Variants in LYN observed in about 807,000 individuals in gnomAD.
The protein encoded by LYN is tyrosine-protein kinase Lyn.
In LYN, 12 loss-of-function variants were observed where a neutral mutation model predicts 65.0. The ratio of observed to expected loss-of-function variants is 0.18; its 90% CI spans 0.12 to 0.30. The LOEUF is 0.30. Ranked by LOEUF, LYN falls within the 10% of genes least tolerant of loss-of-function variation. The pLI, the probability that LYN is intolerant of heterozygous loss-of-function variation, is 1.00. For missense variants in LYN, 380 were observed against 623.2 expected (o/e 0.61, Z 4.16); for synonymous variants, 222 against 221.2 (o/e 1.00, Z -0.03).
chr8:55,990,306 A>AGAG (rs889554197), intron 10 of LYN, among the ~76,000 whole-genome samples: 3 of 151,650 alleles, frequency 2.0e-5, no homozygotes, highest in Non-Finnish European at 4.4e-5. Flanking sequence ...CTTTGCCTGA[A>AGAG]GAGTTGTAGT....
intron 1 of LYN, among the ~76,000 whole-genome samples, chr8:55,925,050 C>T (rs776951765): frequency 2.0e-5 from 3 of 152,082 alleles, no homozygotes; most frequent in Non-Finnish European, 2.9e-5. Context: ...CCATGTTGGC[C>T]AAACTGGGGT....
rs114267736 is a variant in LYN, at chr8:55,885,472, C to T, written c.-6+5369C>T. Among the ~76,000 whole-genome samples, 1,518 of 152,270 alleles carry T rather than the reference C, an allele frequency of 1.0e-2. 22 individuals are homozygous for T. The highest frequency in any genetic ancestry group is 0.034 in the African/African-American group (1,393 of 41,532). ...ACTGGTTGGAAGCTTCTTTCCAGTC[C>T]CCGCTTTCCTCCCTCCATTGGTAAA... On this transcript the variant is annotated intron_variant, in intron 1 of 12. Transcript: ENST00000519728.
chr8:55,980,758 C>A (rs1807894935), intron 10 of LYN, among the ~76,000 whole-genome samples: 1 of 152,134 alleles, frequency 6.6e-6, no homozygotes, highest in Non-Finnish European at 1.5e-5. Context: ...AAAATTTTTG[C>A]CTTTTTAAAA....
chr8:55,881,110 AG>A lies in LYN; in HGVS notation c.-6+1008del, dbSNP rs777121745. 2.0e-5 allele frequency among the ~76,000 whole-genome samples: 3 copies of A among 152,304 alleles called. No homozygotes were observed. In the East Asian group the frequency reaches 5.8e-4, roughly 29 times the overall value. ...CTCAGGGGCTGTTTAGTACACACAA[AG>A]CCCCTAGTACGTACCAAGCATTTCA... On this transcript the variant is annotated intron_variant, in intron 1 of 12. Coordinates refer to ENST00000519728, the MANE Select transcript of LYN (RefSeq NM_002350.4).
intron 1 of LYN, among the ~76,000 whole-genome samples, chr8:55,909,053 C>A (rs1287361494): frequency 9.5e-6 from 1 of 105,730 alleles, no homozygotes; most frequent in African/African-American, 3.8e-5. Context: ...ACACACACAC[C>A]CCACATTTTC....
chr8:55,994,907 C>G (rs1176175307), intron 10 of LYN, among the ~76,000 whole-genome samples: 1 of 152,152 alleles, frequency 6.6e-6, no homozygotes, highest in Non-Finnish European at 1.5e-5. Context: ...TTGAGCCAGG[C>G]ATCGTGGTTC....
chr8:56,007,158 T>C (rs537949842), intron 12 of LYN, among the ~76,000 whole-genome samples: 1 of 152,344 alleles, frequency 6.6e-6, no homozygotes, highest in African/African-American at 2.4e-5. Context: ...ATGAGGGATC[T>C]CCAGGAAGGA....
intron 6 of LYN, among the ~76,000 whole-genome samples, chr8:55,951,314 A>G (rs16922471): frequency 0.057 from 8,721 of 152,178 alleles, 436 homozygotes; most frequent in African/African-American, 0.13. Flanking sequence ...AGTTCTTACC[A>G]GGCTTTGTTT....
intron 1 of LYN, among the ~76,000 whole-genome samples, chr8:55,936,330 T>TTGCA (rs1485847092): frequency 2.0e-5 from 3 of 152,180 alleles, no homozygotes; most frequent in African/African-American, 7.2e-5. Flanking sequence ...CAGCAAGACC[T>TTGCA]TGCATCAGTA....
intron 10 of LYN, among the ~76,000 whole-genome samples, chr8:55,984,221 G>T (rs1808010079): frequency 6.6e-6 from 1 of 152,146 alleles, no homozygotes; most frequent in East Asian, 1.9e-4. Context: ...ACATTCTGAG[G>T]TTCCGGGTGG....
intron 1 of LYN, among the ~76,000 whole-genome samples, chr8:55,903,150 G>A (rs1026038348): frequency 4.0e-5 from 6 of 151,244 alleles, no homozygotes; most frequent in African/African-American, 7.3e-5. Flanking sequence ...CCCGGCCTAC[G>A]CCCAGCTAAT....
rs992804914 is a variant in LYN at position 56,012,815 on chromosome 8, C to T, written c.*2705C>T. On this transcript the variant is annotated 3_prime_UTR_variant, in exon 13 of 13. Transcript: ENST00000519728. Reference sequence around the variant, plus strand: ...ATTTGGTTTGACCCATATTACAAAGCCCAGCCTTCTTTTTCCTCAGATGGT... The same window carrying T: ...ATTTGGTTTGACCCATATTACAAAGTCCAGCCTTCTTTTTCCTCAGATGGT... 6.6e-6 allele frequency: 1 copy of T among 152,100 alleles called. No homozygotes were observed. 9.4% of individuals were successfully genotyped at this position (152,100 alleles called of 1,614,324 possible).
At chr8:55,967,406 C>T (rs2667987) in intron 9 of LYN, among the ~76,000 whole-genome samples, 30,322 of 149,544 alleles carry the variant, frequency 0.2, 3,355 homozygotes, top group Middle Eastern at 0.26. Flanking sequence ...CCCCTGCCTC[C>T]CGGGTTCAAG....
intron 10 of LYN, among the ~76,000 whole-genome samples, chr8:55,974,800 CA>C (rs1272855030): frequency 1.3e-5 from 2 of 152,144 alleles, no homozygotes; most frequent in African/African-American, 4.8e-5. Context: ...TGATTAGTAA[CA>C]ACCTTTGATT....
rs144431963 is a variant in LYN at position 56,000,544 on chromosome 8, T to C, written c.1336+995T>C. On this transcript the variant is annotated intron_variant, in intron 12 of 12. Coordinates refer to ENST00000519728, the MANE Select transcript of LYN (RefSeq NM_002350.4). ...GAGTTCGAGACCAGCCTGGCCAACA[T>C]GGTGAAACCCCGTCATTACTAAAAA... Among the ~76,000 whole-genome samples the C allele has an allele frequency of 6.4e-3, 968 of 151,878 alleles. 11 individuals carry two copies. Among genetic ancestry groups the C allele is most frequent in the African/African-American group, 0.022 (927 of 41,412 alleles).
At chr8:55,968,887 G>T (rs1807532094) in intron 9 of LYN, among the ~76,000 whole-genome samples, 1 of 152,206 alleles carries the variant, frequency 6.6e-6, no homozygotes. Context: ...AACAGGTCTT[G>T]CTTTAGAGAT....
At chr8:55,971,047 G>C (rs932563300) in intron 10 of LYN, among the ~76,000 whole-genome samples, 2 of 152,192 alleles carry the variant, frequency 1.3e-5, no homozygotes, top group African/African-American at 4.8e-5. Context: ...GGTGTGTGAT[G>C]GGTGAGTCAC....
chr8:55,883,044 A>G (rs150823990), intron 1 of LYN, among the ~76,000 whole-genome samples: 94 of 152,332 alleles, frequency 6.2e-4, no homozygotes, highest in African/African-American at 1.8e-3. Flanking sequence ...TACCTTAAAC[A>G]TGGTCGAAAC....
chr8:55,937,927 C>T (rs1247629964), intron 1 of LYN, among the ~76,000 whole-genome samples: 1 of 152,090 alleles, frequency 6.6e-6, no homozygotes, highest in Non-Finnish European at 1.5e-5. Context: ...GAACCCCTGA[C>T]CTCAGATGAT....
Sources: gnomAD v4.1 joint callset for allele counts (sites outside exome capture counted in the v4.1 genomes callset) on GRCh38, gnomAD v4.1.1 for gene constraint, MANE v1.5 for transcripts, NCBI Gene and HGNC (gene_info 2026-07-23, HGNC 2026-07-21) for gene names.